TTC21A: variants seen among roughly 807,000 people sequenced by gnomAD.
TTC21A encodes the protein tetratricopeptide repeat protein 21A.
Under a neutral mutation model 156.4 loss-of-function variants are expected in TTC21A, and 128 were observed. The ratio of observed to expected loss-of-function variants is 0.82; its 90% confidence interval spans 0.71 to 0.95. The LOEUF is 0.95. Ranked by LOEUF, TTC21A falls within the 40% of genes least tolerant of loss-of-function variation. TTC21A has a pLI of 0.00. For synonymous variants in TTC21A, 587 were observed against 617.1 expected, an observed-to-expected ratio of 0.95 and a Z score of 0.72; for missense variants, 1,435 against 1,602.3, an observed-to-expected ratio of 0.90 and a Z score of 1.78.
intron 8 of TTC21A, among the ~76,000 whole-genome samples, 163 bp from the exon 9 acceptor site, chr3:39,120,834 G>A (rs1486120202): frequency 6.6e-6 from 1 of 152,208 alleles, no homozygotes; most frequent in East Asian, 1.9e-4. Flanking sequence ...TTCCTTGGGA[G>A]CCAGACAGCA....
In TTC21A at chr3:39,137,469, T is replaced by C; in HGVS notation, c.3451-17T>C. ...CGGCCAACACGTGCTGACGTCCACT[T>C]CCTACCTGGTGTGTAGAAGGACAGC... is the stretch of plus-strand genomic sequence containing the variant. On this transcript the variant is annotated splice_polypyrimidine_tract_variant and intron_variant, in intron 25 of 28. Transcript: ENST00000683103. 1 of 1,613,616 alleles carries C rather than the reference T, an allele frequency of 6.2e-7. No individual in the cohort carries two copies. Among genetic ancestry groups the C allele is most frequent in the Non-Finnish European group, 8.5e-7 (1 of 1,179,532 alleles).
At chr3:39,127,742 C>T (rs989224226) in intron 12 of TTC21A, among the ~76,000 whole-genome samples, 19 of 152,214 alleles carry the variant, frequency 1.2e-4, no homozygotes, top group Non-Finnish European at 2.8e-4. Context: ...CCTCAAGCCC[C>T]AGGGGGTTCA....
intron 5 of TTC21A, among the ~76,000 whole-genome samples, chr3:39,113,376 G>A (rs2036994714): frequency 1.3e-5 from 2 of 152,210 alleles, no homozygotes; most frequent in Non-Finnish European, 2.9e-5. Context: ...GAGAAGGCGG[G>A]CTGTGAATAG....
At chr3:39,117,713 G>A (rs2037411078) in intron 6 of TTC21A, among the ~76,000 whole-genome samples, 1 of 152,152 alleles carries the variant, frequency 6.6e-6, no homozygotes, top group Non-Finnish European at 1.5e-5. Flanking sequence ...AGGCCCCTCT[G>A]TCTTGTTGCT....
At chr3:39,124,776 T>C (rs1413526188) in intron 9 of TTC21A, among the ~76,000 whole-genome samples, 1 of 152,082 alleles carries the variant, frequency 6.6e-6, no homozygotes, top group Non-Finnish European at 1.5e-5. Flanking sequence ...GTCTGAGGTG[T>C]CTATATAGTA....
At position 39,136,483 on chromosome 3, in the gene TTC21A, A is replaced by G. The variant is rs1209479083; in HGVS notation, c.3071A>G (p.Asn1024Ser). The G allele has an allele frequency of 1.9e-6, 3 of 1,614,130 alleles. No individual in the cohort carries two copies. The highest frequency in any genetic ancestry group is 1.7e-5 in the Admixed American group (1 of 60,010). The change falls in exon 23 of 29, where the codon AAT (asparagine) becomes AGT (serine). Residue 1024 changes from asparagine (N) to serine (S), a missense_variant. By Grantham distance (46) the Asn-to-Ser change is conservative (BLOSUM62 1). Coordinates refer to ENST00000683103, the MANE Select transcript of TTC21A (RefSeq NM_001366900.1). Reference protein sequence around the residue: ...SSRVPLEPGFNYCRGIYCWHI... With the variant: ...SSRVPLEPGFSYCRGIYCWHI... The stretch of plus-strand genomic sequence containing the variant: ...CGGGTGCCTTTGGAACCAGGGTTCA[A>G]TTACTGCAGAGGTATCTACTGCTGG...
At chr3:39,115,348 CA>C (rs10709200) in intron 6 of TTC21A, among the ~76,000 whole-genome samples, 57,145 of 143,216 alleles carry the variant, frequency 0.4, 12,290 homozygotes, top group African/African-American at 0.62. Context: ...TTTGGGGAAC[CA>C]AAAAAAAAAA....
chr3:39,128,600 G>T (rs371638121), intron 13 of TTC21A, 112 bp downstream of exon 13: 21 of 1,561,528 alleles, frequency 1.3e-5, no homozygotes, highest in East Asian at 2.2e-5. Flanking sequence ...CTTTCTGCTC[G>T]TCCAAAGGCA....
intron 6 of TTC21A, 66 bp from the exon 7 acceptor site, chr3:39,118,003 C>G: frequency 1.7e-6 from 2 of 1,190,162 alleles, no homozygotes; most frequent in Non-Finnish European, 2.5e-6. Context: ...TCAGAAGTCG[C>G]CAACACACCA....
In TTC21A at chr3:39,118,259, C is replaced by G. The variant is rs780559689; in HGVS notation, c.801+106C>G. On this transcript the variant is annotated intron_variant, in intron 7 of 28. Coordinates refer to ENST00000683103, the MANE Select transcript of TTC21A (RefSeq NM_001366900.1). Reference sequence around the variant, plus strand: ...AAGCCCTTGTAGGGAGCTCCTGGATCTCAGCTTCCTCTTTTCTACCCCACC... The same window carrying G: ...AAGCCCTTGTAGGGAGCTCCTGGATGTCAGCTTCCTCTTTTCTACCCCACC... 1.9e-4 allele frequency: 205 copies of G among 1,082,654 alleles called. 1 individual carries two copies. The Admixed American group carries it at 3.5e-3, about 19-fold the overall frequency. The allele number at this position is 1,082,654 out of a possible 1,614,324, so 67.1% of individuals were successfully genotyped here.
chr3:39,118,322 C>A, intron 7 of TTC21A, 169 bp downstream of exon 7: 4 of 652,542 alleles, frequency 6.1e-6, no homozygotes, highest in Non-Finnish European at 1.1e-5. Flanking sequence ...TCTGGTTTGA[C>A]TCTTTGAGTT....
At chr3:39,110,206 C>T (rs745688108) in intron 3 of TTC21A, 67 bp downstream of exon 3, 9 of 1,237,184 alleles carry the variant, frequency 7.3e-6, no homozygotes, top group Non-Finnish European at 8.3e-6. Context: ...CCAGAGATAA[C>T]ACAGCCCCTC....
intron 2 of TTC21A, 56 bp downstream of exon 2, chr3:39,109,270 C>G: frequency 6.3e-7 from 1 of 1,577,010 alleles, no homozygotes; most frequent in Admixed American, 1.7e-5. Context: ...GGCCCTAACA[C>G]TCTGGCTCCA....
At chr3:39,138,229 T>C (rs2039285571) in intron 26 of TTC21A, 38 bp from the exon 27 acceptor site, 2 of 1,613,126 alleles carry the variant, frequency 1.2e-6, no homozygotes, top group Non-Finnish European at 1.7e-6. Flanking sequence ...CAGTTGGGGC[T>C]TCCGCTCTGC....
chr3:39,111,116 G>A (rs2036789645), intron 4 of TTC21A, 99 bp downstream of exon 4: 2 of 1,344,472 alleles, frequency 1.5e-6, no homozygotes, highest in African/African-American at 2.9e-5. Flanking sequence ...TGAAACTGGG[G>A]GAGAGCCACA....
chr3:39,124,018 G>C (rs988343982), intron 9 of TTC21A, among the ~76,000 whole-genome samples: 6 of 152,168 alleles, frequency 3.9e-5, no homozygotes, highest in African/African-American at 1.4e-4. Flanking sequence ...GCACGTTTGA[G>C]GTTATGAAGA....
At position 39,131,078 on chromosome 3, in the gene TTC21A, A is replaced by T; in HGVS notation, c.2545A>T (p.Ile849Leu). 1.2e-6 allele frequency: 2 copies of T among 1,610,110 alleles called. No homozygotes were observed. Among genetic ancestry groups the T allele is most frequent in the African/African-American group, 1.3e-5 (1 of 75,058 alleles). Residue 849 changes from isoleucine to leucine, a missense_variant, in exon 19 of 29, where the codon ATA (isoleucine) becomes TTA (leucine). Physicochemically the swap from Ile to Leu is conservative, Grantham distance 5. Transcript: ENST00000683103. ...CAAGAGCCATAAAAAAGAAGCTGTG[A>T]TAGAAACTTTGAACAAGGTAATTGA... ...VYKSHKKEAV[I>L]ETLNKALDLQ...
Position 39,107,817 on chromosome 3 carries a change from C to T in TTC21A, c.-21C>T. ...TGCACCGCCCCACCAGACCCGGACTCGGAGCCGCGAGCGGCCCGAGATGAG... is the reference window on the plus strand; with the variant it reads ...TGCACCGCCCCACCAGACCCGGACTTGGAGCCGCGAGCGGCCCGAGATGAG... On this transcript the variant is annotated 5_prime_UTR_variant, in exon 1 of 29. Transcript: ENST00000683103. 3.1e-6 allele frequency: 5 copies of T among 1,612,506 alleles called. No homozygotes were observed. Among genetic ancestry groups the T allele is most frequent in the African/African-American group, 1.3e-5 (1 of 75,064 alleles).
rs575796642 is a variant in TTC21A at position 39,110,895 on chromosome 3, C to T, written c.313C>T (p.Arg105Cys). The change falls in exon 4 of 29, where the codon CGC (arginine) becomes TGC (cysteine). Residue 105 changes from arginine to cysteine, a missense_variant. Coordinates refer to ENST00000683103, the MANE Select transcript of TTC21A (RefSeq NM_001366900.1). Reference protein sequence around the residue: ...QELEYSLKEIRKTVSGTALYY... With the variant: ...QELEYSLKEICKTVSGTALYY... Reference sequence around the variant, plus strand: ...GCTTGAGTACAGCCTGAAGGAAATACGCAAGACAGTCAGTGGGACTGCACT... The same window carrying T: ...GCTTGAGTACAGCCTGAAGGAAATATGCAAGACAGTCAGTGGGACTGCACT... 608 of 1,613,998 alleles carry T rather than the reference C, an allele frequency of 3.8e-4. 15 individuals are homozygous for T. In the South Asian group the frequency reaches 6.3e-3, roughly 17 times the overall value.
Sources: gnomAD v4.1 joint callset for allele counts (sites outside exome capture counted in the v4.1 genomes callset) on GRCh38, gnomAD v4.1.1 for gene constraint, MANE v1.5 for transcripts, NCBI Gene and HGNC (gene_info 2026-07-23, HGNC 2026-07-21) for gene names.